The following TEAD2 variants were observed in gnomAD, a reference collection of about 807,000 sequenced individuals.
TEAD2 encodes the protein transcriptional enhancer factor TEF-4.
A neutral mutation model predicts 61.4 loss-of-function variants in TEAD2; 51 were observed. That is an observed-to-expected ratio of 0.83 (90% CI 0.66 to 1.05). The LOEUF is 1.05. Among genes scored for constraint, TEAD2 ranks in the 50% least tolerant of loss-of-function variants. The pLI is 0.00. For missense variants in TEAD2, 509 were observed against 600.0 expected (o/e 0.85, Z 1.58); for synonymous variants, 244 against 243.2 (o/e 1.00, Z -0.03).
chr19:49,342,105 T>A (rs1006112219), intron 12 of TEAD2, among the ~76,000 whole-genome samples: 6 of 151,700 alleles, frequency 4.0e-5, no homozygotes, highest in Admixed American at 3.9e-4. Flanking sequence ...GGCAGGAGAA[T>A]CACTTGAACC....
chr19:49,355,778 G>C (rs537277068), intron 5 of TEAD2, among the ~76,000 whole-genome samples, 181 bp downstream of exon 5: 1 of 150,922 alleles, frequency 6.6e-6, no homozygotes, highest in Non-Finnish European at 1.5e-5. Context: ...AGTGAGTGGA[G>C]ATCGTGCCCC....
chr19:49,351,280 G>C, intron 8 of TEAD2, 21 bp downstream of exon 8: 1 of 1,607,734 alleles, frequency 6.2e-7, no homozygotes, highest in Non-Finnish European at 8.5e-7. Flanking sequence ...AGACAAGGGA[G>C]GGTGGAGCGC....
At chr19:49,349,361 G>A (rs1363552795) in intron 8 of TEAD2, among the ~76,000 whole-genome samples, 1 of 152,016 alleles carries the variant, frequency 6.6e-6, no homozygotes, top group African/African-American at 2.4e-5. Flanking sequence ...TACTTAGGAG[G>A]CTGAGGCAGG....
rs749828130 is a variant in TEAD2 at position 49,342,433 on chromosome 19, A to G, written c.1242+5T>C. On this transcript the variant is annotated splice_donor_5th_base_variant and intron_variant, in intron 12 of 12. Coordinates refer to ENST00000593945, the MANE Select transcript of TEAD2 (RefSeq NM_001256660.2). ...GCCCCACTCCAGCCCAGCCCCAGGC[A>G]TCACCTGGAGGATGGTGAAGTTTTC... 6.2e-7 allele frequency: 1 copy of G among 1,612,218 alleles called. No homozygotes were observed. The highest frequency in any genetic ancestry group is 8.5e-7 in the Non-Finnish European group (1 of 1,178,498).
Position 49,359,467 on chromosome 19 carries a change from G to A in TEAD2, c.265C>T (p.Leu89=). The A allele has an allele frequency of 6.2e-7, 1 of 1,614,062 alleles. No individual in the cohort carries two copies. The highest frequency in any genetic ancestry group is 2.2e-5 in the East Asian group (1 of 44,866). ...CGAGTTCGGGTCTTCCCCGTTCTCA[G>A]CTTGATGTAGCGGGCGATCAGTTCA... ...RNELIARYIK[L]RTGKTRTRKQ... The change falls in exon 3 of 13, where the codon CTG becomes TTG. Residue 89 remains leucine, a synonymous_variant. Transcript: ENST00000593945. The surrounding 1 kb of genome is among the most constrained non-coding windows in gnomAD (Gnocchi z 4.1).
chr19:49,351,756 C>T lies in TEAD2; in HGVS notation c.540-391G>A, dbSNP rs140453543. Among the ~76,000 whole-genome samples, 347 of 152,068 alleles carry T rather than the reference C, an allele frequency of 2.3e-3. 6 individuals carry two copies. In the East Asian group the frequency reaches 0.044, roughly 19 times the overall value. ...ATCCCAGCACTTCAGGAGGTTGAGG[C>T]GGGCAGATCACTTGAGGTCAGGAGT... On this transcript the variant is annotated intron_variant, in intron 7 of 12. Coordinates refer to ENST00000593945, the MANE Select transcript of TEAD2 (RefSeq NM_001256660.2).
chr19:49,350,828 C>T (rs1971969711), intron 8 of TEAD2, among the ~76,000 whole-genome samples: 1 of 152,110 alleles, frequency 6.6e-6, no homozygotes, highest in Admixed American at 6.6e-5. Context: ...CCAGCCCCTC[C>T]CGGCTCCCCC....
intron 8 of TEAD2, among the ~76,000 whole-genome samples, chr19:49,350,165 C>T (rs1971919263): frequency 6.6e-6 from 1 of 152,108 alleles, no homozygotes; most frequent in Admixed American, 6.6e-5. Context: ...GCTGAGTCTG[C>T]CTGGGAATGA....
At chr19:49,348,609 T>C (rs1305182031) in intron 9 of TEAD2, 94 bp downstream of exon 9, 2 of 1,161,732 alleles carry the variant, frequency 1.7e-6, no homozygotes, top group East Asian at 2.3e-5. Context: ...TTCTGATACA[T>C]GCTAAAGTTT....
rs1371987424 is a variant in TEAD2 at position 49,359,941 on chromosome 19, C to T, written c.135G>A (p.Trp45Ter). ...GDGGPDAEGV[W>*]SPDIEQSFQE... ...GGAAGCTCTGCTCAATGTCTGGGCTCCACACCCCCTCTGCATCCGGGCCCC... is the reference window on the plus strand; with the variant it reads ...GGAAGCTCTGCTCAATGTCTGGGCTTCACACCCCCTCTGCATCCGGGCCCC... Residue 45 changes from tryptophan to a stop codon, truncating the protein, a stop_gained, in exon 2 of 13, where the codon TGG (tryptophan) becomes TGA (stop). Coordinates refer to ENST00000593945, the MANE Select transcript of TEAD2 (RefSeq NM_001256660.2). LOFTEE classifies it high-confidence loss of function. This position sits in a 1 kb window ranked among gnomAD's most constrained non-coding sequence, Gnocchi z 4.1. 1.2e-6 allele frequency: 2 copies of T among 1,612,250 alleles called. No homozygotes were observed. Among genetic ancestry groups the T allele is most frequent in the Non-Finnish European group, 1.7e-6 (2 of 1,180,024 alleles).
chr19:49,347,228 G>C lies in TEAD2; in HGVS notation c.883C>G (p.Arg295Gly). ...AGGAAGAAGGCATGGGGGGGGCCAC[G>C]ATCATATAGCTCTCGGAGGCCACCC... ...KKGGLRELYD[R>G]GPPHAFFLVK... is the part of the protein sequence containing the mutation. Residue 295 changes from arginine (R) to glycine (G), a missense_variant, in exon 10 of 13, where the codon CGT becomes GGT. By Grantham distance (125) the Arg-to-Gly change is moderately radical. Coordinates refer to ENST00000593945, the MANE Select transcript of TEAD2 (RefSeq NM_001256660.2). The C allele has an allele frequency of 6.2e-7, 1 of 1,614,162 alleles. No homozygotes were observed. The highest frequency in any genetic ancestry group is 1.3e-5 in the African/African-American group (1 of 75,024).
chr19:49,348,762 C>A lies in TEAD2; in HGVS notation c.688G>T (p.Ala230Ser). Reference sequence around the variant, plus strand: ...GAGAACTCTACCAGCTGCAACCGGGCGGTGCCCAGGCCCCGAGCCTGCCAG... The same window carrying A: ...GAGAACTCTACCAGCTGCAACCGGGAGGTGCCCAGGCCCCGAGCCTGCCAG... ...PAWQARGLGTARLQLVEFSAF... is the reference protein window; with the variant it reads ...PAWQARGLGTSRLQLVEFSAF... Residue 230 changes from alanine to serine, a missense_variant, in exon 9 of 13, where the codon GCC becomes TCC. By Grantham distance (99) the Ala-to-Ser change is moderately conservative. Coordinates refer to ENST00000593945, the MANE Select transcript of TEAD2 (RefSeq NM_001256660.2). The A allele has an allele frequency of 6.2e-7, 1 of 1,606,498 alleles. No individual in the cohort carries two copies. Among genetic ancestry groups the A allele is most frequent in the Non-Finnish European group, 8.5e-7 (1 of 1,175,960 alleles).
At position 49,355,353 on chromosome 19, in the gene TEAD2, C is replaced by A. The variant is rs961367120; in HGVS notation, c.439G>T (p.Ala147Ser). Residue 147 changes from alanine to serine, a missense_variant, in exon 6 of 13, where the codon GCG becomes TCG. Transcript: ENST00000593945. ...CCCAGTTTGGCCTGCAGAGAAGGCGCGGAGATGAGCTGGGCAGAGGACATG... is the reference window on the plus strand; with the variant it reads ...CCCAGTTTGGCCTGCAGAGAAGGCGAGGAGATGAGCTGGGCAGAGGACATG... ...ATMSSAQLISAPSLQAKLGPT... is the reference protein window; with the variant it reads ...ATMSSAQLISSPSLQAKLGPT... 1 of 1,613,942 alleles carries A rather than the reference C, an allele frequency of 6.2e-7. No individual in the cohort carries two copies. The highest frequency in any genetic ancestry group is 1.3e-5 in the African/African-American group (1 of 74,864).
Position 49,347,364 on chromosome 19 carries a change from C to G in TEAD2, c.748-1G>C. ...TGTGCACGAACAGGTGCCTCTGGTA[C>G]TGAGGAGGGTTGGCCGTGGGTGAGA... On this transcript the variant is annotated splice_acceptor_variant, in intron 9 of 12. Coordinates refer to ENST00000593945, the MANE Select transcript of TEAD2 (RefSeq NM_001256660.2). LOFTEE classifies it high-confidence loss of function. 6.2e-7 allele frequency: 1 copy of G among 1,606,684 alleles called. No homozygotes were observed. The highest frequency in any genetic ancestry group is 8.5e-7 in the Non-Finnish European group (1 of 1,178,566).
rs778475367 is a variant in TEAD2, at chr19:49,359,968, G to A, written c.108C>T (p.Asp36=). The change falls in exon 2 of 13, where the codon GAC becomes GAT. Residue 36 remains aspartate (D), a synonymous_variant. Transcript: ENST00000593945. This position sits in a 1 kb window ranked among gnomAD's most constrained non-coding sequence, Gnocchi z 4.1. Reference sequence around the variant, plus strand: ...ACACCCCCTCTGCATCCGGGCCCCCGTCACCCCCAGCCCCCTCACTGCCGC... The same window carrying A: ...ACACCCCCTCTGCATCCGGGCCCCCATCACCCCCAGCCCCCTCACTGCCGC... ...GTGGSEGAGG[D]GGPDAEGVWS... 9.9e-6 allele frequency: 16 copies of A among 1,609,712 alleles called. No individual in the cohort carries two copies. Among genetic ancestry groups the A allele is most frequent in the South Asian group, 5.5e-5 (5 of 91,058 alleles).
rs1971710717 is a variant in TEAD2 at position 49,347,257 on chromosome 19, T to C, written c.854A>G (p.Lys285Arg). ...VRQIYDKFPE[K>R]KGGLRELYDR... Reference sequence around the variant, plus strand: ...ATATAGCTCTCGGAGGCCACCCTTTTTCTCAGGGAATTTGTCGTAGATCTG... The same window carrying C: ...ATATAGCTCTCGGAGGCCACCCTTTCTCTCAGGGAATTTGTCGTAGATCTG... Residue 285 changes from lysine to arginine, a missense_variant, in exon 10 of 13, where the codon AAA (lysine) becomes AGA (arginine). Coordinates refer to ENST00000593945, the MANE Select transcript of TEAD2 (RefSeq NM_001256660.2). The C allele has an allele frequency of 1.2e-6, 2 of 1,614,144 alleles. No individual in the cohort carries two copies. Among genetic ancestry groups the C allele is most frequent in the Non-Finnish European group, 1.7e-6 (2 of 1,180,024 alleles).
At chr19:49,360,797 C>A (rs1347145422) in intron 1 of TEAD2, among the ~76,000 whole-genome samples, 6 of 15,802 alleles carry the variant, frequency 3.8e-4, no homozygotes, top group Non-Finnish European at 3.0e-4. Context: ...CAGAGACCAG[C>A]AAGGGGGGGG....
rs368453803 is a variant in TEAD2 at position 49,359,373 on chromosome 19, C to T, written c.297+62G>A. 2.5e-5 allele frequency: 38 copies of T among 1,531,980 alleles called. No homozygotes were observed. Among genetic ancestry groups the T allele is most frequent in the Non-Finnish European group, 3.0e-5 (33 of 1,107,730 alleles). The allele number at this position is 1,531,980 out of a possible 1,614,324, so 94.9% of individuals were successfully genotyped here. On this transcript the variant is annotated intron_variant, in intron 3 of 12. Transcript: ENST00000593945. This position sits in a 1 kb window ranked among gnomAD's most constrained non-coding sequence, Gnocchi z 4.1. ...TTCCTTGAACCTGAACCTGCCCATG[C>T]GAGGATGACCCTAAGAAGACCGGCC...
rs559644707 is a variant in TEAD2, at chr19:49,359,807, C to T, written c.232+37G>A. ...AACCTTGGTTACTGTCATTATTCATCAGTGGGGGCCAGGGCAAAAGACAGA... is the reference window on the plus strand; with the variant it reads ...AACCTTGGTTACTGTCATTATTCATTAGTGGGGGCCAGGGCAAAAGACAGA... On this transcript the variant is annotated intron_variant, in intron 2 of 12. Coordinates refer to ENST00000593945, the MANE Select transcript of TEAD2 (RefSeq NM_001256660.2). This position sits in a 1 kb window ranked among gnomAD's most constrained non-coding sequence, Gnocchi z 4.1. The T allele has an allele frequency of 1.7e-5, 27 of 1,594,936 alleles. No homozygotes were observed. The highest frequency in any genetic ancestry group is 2.3e-5 in the Non-Finnish European group (27 of 1,166,502).
Sources: gnomAD v4.1 joint callset for allele counts (sites outside exome capture counted in the v4.1 genomes callset) on GRCh38, gnomAD v4.1.1 for gene constraint, Gnocchi (gnomAD v3.1) non-coding constraint, MANE v1.5 for transcripts, NCBI Gene and HGNC (gene_info 2026-07-23, HGNC 2026-07-21) for gene names.